Variants in SYT1 observed in about 807,000 individuals in gnomAD.
SYT1 encodes synaptotagmin 1.
A neutral mutation model predicts 44.8 loss-of-function variants in SYT1; 8 were observed. That is an observed-to-expected ratio of 0.18 (90% confidence interval 0.10 to 0.32). The LOEUF (loss-of-function observed/expected upper bound fraction) is 0.32. Ranked by LOEUF, SYT1 falls within the 10% of genes least tolerant of loss-of-function variation. The pLI is 1.00. For missense variants in SYT1, 286 were observed against 509.3 expected, an observed-to-expected ratio of 0.56 and a Z score of 4.22; for synonymous variants, 154 against 188.8, an observed-to-expected ratio of 0.82 and a Z score of 1.51.
At chr12:79,297,500 T>C (rs1260406858) in intron 7 of SYT1, among the ~76,000 whole-genome samples, 3 of 152,120 alleles carry the variant, frequency 2.0e-5, no homozygotes, top group Admixed American at 2.0e-4. Flanking sequence ...AGCTAATGTA[T>C]TGGGGCTTTG....
intron 5 of SYT1, among the ~76,000 whole-genome samples, chr12:79,290,442 GA>G (rs986597312): frequency 1.3e-5 from 2 of 152,158 alleles, no homozygotes; most frequent in Non-Finnish European, 2.9e-5. Context: ...ACACAGCAAA[GA>G]AAAAAGACCA....
At chr12:78,962,745 T>G (rs2137348138) in intron 1 of SYT1, among the ~76,000 whole-genome samples, 1 of 152,264 alleles carries the variant, frequency 6.6e-6, no homozygotes, top group African/African-American at 2.4e-5. Flanking sequence ...GTAGCTTAAC[T>G]TGTACATCTT....
chr12:79,426,626 T>A (rs1477287662), intron 9 of SYT1, among the ~76,000 whole-genome samples: 1 of 152,174 alleles, frequency 6.6e-6, no homozygotes, highest in Non-Finnish European at 1.5e-5. Context: ...CTAATATTGA[T>A]AACCTGCAGA....
intron 9 of SYT1, among the ~76,000 whole-genome samples, chr12:79,359,393 A>T (rs1337913383): frequency 1.3e-5 from 2 of 152,134 alleles, no homozygotes; most frequent in East Asian, 1.9e-4. Flanking sequence ...TCTATGACCC[A>T]TCCCTAGTCC....
At chr12:78,901,360 T>C (rs1875654054) in intron 1 of SYT1, among the ~76,000 whole-genome samples, 1 of 152,144 alleles carries the variant, frequency 6.6e-6, no homozygotes, top group South Asian at 2.1e-4. Flanking sequence ...TATTTTGGTG[T>C]AGTATTTTTT....
intron 2 of SYT1, among the ~76,000 whole-genome samples, chr12:79,024,951 TGAC>T (rs1277862418): frequency 6.6e-6 from 1 of 151,842 alleles, no homozygotes; most frequent in Non-Finnish European, 1.5e-5. Flanking sequence ...GCATTTATTG[TGAC>T]CTTTGATAGT....
At chr12:79,210,036 T>C (rs896279047) in intron 3 of SYT1, among the ~76,000 whole-genome samples, 4 of 152,190 alleles carry the variant, frequency 2.6e-5, no homozygotes, top group Admixed American at 6.5e-5. Flanking sequence ...AAATAATGCT[T>C]TGTCTAAAAA....
chr12:79,102,375 TC>T (rs1878494494), intron 3 of SYT1, among the ~76,000 whole-genome samples: 1 of 151,978 alleles, frequency 6.6e-6, no homozygotes, highest in Non-Finnish European at 1.5e-5. Context: ...ACTCAATACT[TC>T]CACCCCTGGA....
At chr12:79,141,178 T>TCATATGGACG (rs1869535319) in intron 3 of SYT1, among the ~76,000 whole-genome samples, 1 of 152,242 alleles carries the variant, frequency 6.6e-6, no homozygotes, top group African/African-American at 2.4e-5. Context: ...ATATGATGTT[T>TCATATGGACG]ATTCATACTC....
At chr12:79,288,340 GA>G (rs1272790956) in intron 5 of SYT1, among the ~76,000 whole-genome samples, 1 of 152,020 alleles carries the variant, frequency 6.6e-6, no homozygotes, top group Non-Finnish European at 1.5e-5. Context: ...ACATGGGGAA[GA>G]AAATAAAGAT....
At chr12:79,245,836 G>A (rs1876820353) in intron 4 of SYT1, among the ~76,000 whole-genome samples, 1 of 151,470 alleles carries the variant, frequency 6.6e-6, no homozygotes, top group Non-Finnish European at 1.5e-5. Context: ...TAGTTTAAGA[G>A]GATTTCATGA....
rs181795642 is a variant in SYT1 at position 78,883,094 on chromosome 12, C to T, written c.-217+17985C>T. On this transcript the variant is annotated intron_variant, in intron 1 of 10. Coordinates refer to ENST00000261205, the MANE Select transcript of SYT1 (RefSeq NM_005639.3). ...ATTACCCAGTTGAGAATAACTATGT[C>T]AAAAAATCTCTGAGATTCTATGTGT... Among the ~76,000 whole-genome samples, 554 of 151,716 alleles carry T rather than the reference C, an allele frequency of 3.7e-3. 7 individuals are homozygous for T. The highest frequency in any genetic ancestry group is 0.012 in the African/African-American group (513 of 41,472).
intron 3 of SYT1, among the ~76,000 whole-genome samples, chr12:79,074,081 G>A (rs1876472440): frequency 6.6e-6 from 1 of 152,098 alleles, no homozygotes; most frequent in Non-Finnish European, 1.5e-5. Flanking sequence ...TTTGCATTTT[G>A]CAATAGAGAC....
At chr12:79,417,919 G>A (rs1416445635) in intron 9 of SYT1, among the ~76,000 whole-genome samples, 1 of 152,008 alleles carries the variant, frequency 6.6e-6, no homozygotes, top group East Asian at 1.9e-4. Flanking sequence ...GGGGCCCGAT[G>A]TTCTGCATTT....
intron 3 of SYT1, among the ~76,000 whole-genome samples, chr12:79,049,696 G>T (rs927482465): frequency 2.0e-5 from 3 of 151,968 alleles, no homozygotes; most frequent in African/African-American, 4.8e-5. Flanking sequence ...TCTATAGATT[G>T]TGCATGTGTT....
At chr12:78,883,140 A>G (rs1350708457) in intron 1 of SYT1, among the ~76,000 whole-genome samples, 2 of 151,756 alleles carry the variant, frequency 1.3e-5, no homozygotes, top group Non-Finnish European at 3.0e-5. Context: ...AATTTCTTCG[A>G]ACAGTAATAC....
chr12:78,932,082 T>C (rs568899767), intron 1 of SYT1, among the ~76,000 whole-genome samples: 1 of 152,358 alleles, frequency 6.6e-6, no homozygotes, highest in African/African-American at 2.4e-5. Context: ...CTTTTTATTC[T>C]TCGTGACAGT....
intron 8 of SYT1, among the ~76,000 whole-genome samples, chr12:79,320,798 T>C (rs1029569590): frequency 6.6e-6 from 1 of 151,946 alleles, no homozygotes; most frequent in Non-Finnish European, 1.5e-5. Flanking sequence ...AATTTTTGTG[T>C]TTTTAGTAGA....
chr12:79,148,366 C>T (rs1189307331), intron 3 of SYT1, among the ~76,000 whole-genome samples: 2 of 152,016 alleles, frequency 1.3e-5, no homozygotes, highest in Non-Finnish European at 2.9e-5. Flanking sequence ...CAGTGATAAT[C>T]TTTTTTTCCC....
Sources: allele counts gnomAD v4.1 joint callset (sites outside exome capture counted in the v4.1 genomes callset), GRCh38; gene constraint gnomAD v4.1.1; transcripts MANE v1.5; gene names NCBI Gene and HGNC (gene_info 2026-07-23, HGNC 2026-07-21).